Variants in C17orf78 observed in about 807,000 individuals in gnomAD.
C17orf78 encodes uncharacterized protein C17orf78.
A neutral mutation model predicts 31.8 loss-of-function variants in C17orf78; 27 were observed. The observed-to-expected ratio is 0.85, with a 90% CI of 0.63 to 1.17. The LOEUF (loss-of-function observed/expected upper bound fraction) is 1.17, where lower values mean the gene tolerates loss of function less well. Ranked by LOEUF, C17orf78 falls within the 50% of genes most tolerant of loss-of-function variation. C17orf78 has a pLI of 0.00. For synonymous variants in C17orf78, 106 were observed against 115.1 expected (o/e 0.92, Z 0.51); for missense variants, 258 against 315.2 (o/e 0.82, Z 1.37).
rs543815194 is a variant in C17orf78 at position 37,386,342 on chromosome 17, A to T, written c.508+217A>T. Reference sequence around the variant, plus strand: ...TGCTGTGGCTCATGTCTGTAATCCTAGCACTTTGGGAGGCCGAGGTGGGCG... The same window carrying T: ...TGCTGTGGCTCATGTCTGTAATCCTTGCACTTTGGGAGGCCGAGGTGGGCG... On this transcript the variant is annotated intron_variant, in intron 4 of 6. Transcript: ENST00000615133. Among the ~76,000 whole-genome samples, 107 of 152,232 alleles carry T rather than the reference A, an allele frequency of 7.0e-4. 1 individual carries two copies. The Middle Eastern group carries it at 0.01, about 15-fold the overall frequency.
In C17orf78 at chr17:37,386,066, C is replaced by G. The variant is rs759478060; in HGVS notation, c.449C>G (p.Pro150Arg). 11 of 1,605,794 alleles carry G rather than the reference C, an allele frequency of 6.9e-6. No homozygotes were observed. Among genetic ancestry groups the G allele is most frequent in the Middle Eastern group, 3.3e-4 (2 of 6,072 alleles). ...KVLGASSETF[P>R]TTAPSITPGN... ...CTGGGGGCTTCATCAGAGACTTTTC[C>G]CACCACTGCCCCTTCTATAACTCCT... The change falls in exon 4 of 7, where the codon CCC (proline) becomes CGC (arginine). Residue 150 changes from proline to arginine, a missense_variant. Coordinates refer to ENST00000615133, the MANE Select transcript of C17orf78 (RefSeq NM_173625.5).
chr17:37,381,663 C>T (rs138041168), intron 3 of C17orf78, among the ~76,000 whole-genome samples: 1,438 of 143,038 alleles, frequency 0.01, 15 homozygotes, highest in Non-Finnish European at 0.015. Flanking sequence ...AGTCTCGCTC[C>T]GTTGCCCAGG....
At chr17:37,377,343 T>G (rs1189391973) in intron 1 of C17orf78, among the ~76,000 whole-genome samples, 1 of 152,164 alleles carries the variant, frequency 6.6e-6, no homozygotes, top group Non-Finnish European at 1.5e-5. Flanking sequence ...CAACTACTAC[T>G]TTGTATGTAT....
chr17:37,378,221 A>C (rs1331607889), intron 2 of C17orf78, among the ~76,000 whole-genome samples: 2 of 152,216 alleles, frequency 1.3e-5, no homozygotes, highest in Non-Finnish European at 2.9e-5. Flanking sequence ...ATTAAAGAAA[A>C]ATCTATGAGC....
chr17:37,385,714 A>G (rs930206100), intron 3 of C17orf78, among the ~76,000 whole-genome samples: 3 of 152,032 alleles, frequency 2.0e-5, no homozygotes, highest in African/African-American at 4.8e-5. Flanking sequence ...CTTCATCTTT[A>G]TTATTATTAT....
At chr17:37,380,972 TA>T in intron 3 of C17orf78, among the ~76,000 whole-genome samples, 1 of 151,914 alleles carries the variant, frequency 6.6e-6, no homozygotes, top group East Asian at 1.9e-4. Flanking sequence ...TAGTGAAAAG[TA>T]AGTCTCTCTC....
chr17:37,381,720 C>A (rs561944150), intron 3 of C17orf78, among the ~76,000 whole-genome samples: 2 of 149,764 alleles, frequency 1.3e-5, no homozygotes, highest in African/African-American at 4.9e-5. Flanking sequence ...CTCCGCCTCT[C>A]GGGTTCACGC....
chr17:37,377,657 C>CTCAA (rs1555667293), intron 1 of C17orf78, among the ~76,000 whole-genome samples: 90 of 120,598 alleles, frequency 7.5e-4, no homozygotes, highest in African/African-American at 2.5e-3. Context: ...GAGACTCCGT[C>CTCAA]TCAATAAATA....
At chr17:37,383,680 TG>T (rs2050401237) in intron 3 of C17orf78, among the ~76,000 whole-genome samples, 2 of 152,200 alleles carry the variant, frequency 1.3e-5, no homozygotes, top group South Asian at 4.1e-4. Flanking sequence ...CTCGAGTAGC[TG>T]GGATTACAGC....
chr17:37,378,053 C>A, intron 2 of C17orf78, 88 bp downstream of exon 2: 2 of 1,209,872 alleles, frequency 1.7e-6, no homozygotes, highest in Non-Finnish European at 1.2e-6. Flanking sequence ...CACTTCCTAG[C>A]CCATATCTCA....
chr17:37,385,908 A>G (rs544336303), intron 3 of C17orf78, 101 bp from the exon 4 acceptor site: 9 of 757,882 alleles, frequency 1.2e-5, no homozygotes, highest in East Asian at 5.5e-5. Flanking sequence ...TGGGACCACA[A>G]TTGGAAGTTT....
chr17:37,381,610 A>G (rs2050263083), intron 3 of C17orf78, among the ~76,000 whole-genome samples: 1 of 146,122 alleles, frequency 6.8e-6, no homozygotes, highest in Non-Finnish European at 1.5e-5. Context: ...ATTCCATAGT[A>G]TGTCTCTTCC....
intron 1 of C17orf78, 49 bp downstream of exon 1, chr17:37,376,199 A>C (rs2049995627): frequency 6.6e-7 from 1 of 1,510,158 alleles, no homozygotes; most frequent in Admixed American, 1.7e-5. Flanking sequence ...AGAGAGGCCT[A>C]GAAAGAGTTT....
chr17:37,385,758 C>A (rs1223054644), intron 3 of C17orf78, among the ~76,000 whole-genome samples: 1 of 152,130 alleles, frequency 6.6e-6, no homozygotes, highest in Non-Finnish European at 1.5e-5. Flanking sequence ...ATATCATTGG[C>A]ATGACTCCTT....
chr17:37,379,115 T>C (rs375481124), intron 2 of C17orf78, 22 bp from the exon 3 acceptor site: 22 of 1,595,150 alleles, frequency 1.4e-5, no homozygotes, highest in Non-Finnish European at 1.9e-5. Context: ...TCCATTTTTC[T>C]ATCTGGTTCT....
At chr17:37,381,917 G>GCAA (rs1568082471) in intron 3 of C17orf78, among the ~76,000 whole-genome samples, 12 of 151,982 alleles carry the variant, frequency 7.9e-5, no homozygotes, top group Admixed American at 2.6e-4. Flanking sequence ...GTGAGCCACT[G>GCAA]CACCCGGCCA....
intron 3 of C17orf78, among the ~76,000 whole-genome samples, chr17:37,384,428 T>C (rs1216449343): frequency 2.0e-5 from 3 of 152,234 alleles, no homozygotes; most frequent in Non-Finnish European, 2.9e-5. Flanking sequence ...TTTCCCCCTC[T>C]TTCAATCATA....
intron 2 of C17orf78, 92 bp from the exon 3 acceptor site, chr17:37,379,045 T>C (rs777955400): frequency 4.9e-6 from 7 of 1,420,772 alleles, no homozygotes; most frequent in Non-Finnish European, 6.6e-6. Context: ...GCACTCCAGC[T>C]TGGGTGACAG....
intron 3 of C17orf78, among the ~76,000 whole-genome samples, chr17:37,385,793 A>T (rs2050500409): frequency 1.3e-5 from 2 of 152,162 alleles, no homozygotes; most frequent in African/African-American, 4.8e-5. Context: ...GTTAGTTAAA[A>T]GTCCCATGGG....
Sources: gnomAD v4.1 joint callset for allele counts (sites outside exome capture counted in the v4.1 genomes callset) on GRCh38, gnomAD v4.1.1 for gene constraint, MANE v1.5 for transcripts, NCBI Gene and HGNC (gene_info 2026-07-23, HGNC 2026-07-21) for gene names.